The following AVEN variants were observed in gnomAD, a reference collection of about 807,000 sequenced individuals.
AVEN encodes the protein cell death regulator Aven.
AVEN carries 41 observed loss-of-function variants against 38.1 expected under a neutral mutation model. The observed-to-expected ratio is 1.08, with a 90% confidence interval of 0.84 to 1.40. The LOEUF (loss-of-function observed/expected upper bound fraction) is 1.40, where lower values mean the gene tolerates loss of function less well. Among genes scored for constraint, AVEN ranks in the 40% most tolerant of loss-of-function variants. The pLI is 0.00. For missense variants in AVEN, 605 were observed against 438.8 expected (o/e 1.38, Z -3.38); for synonymous variants, 206 against 171.8 (o/e 1.20, Z -1.56).
chr15:33,872,465 A>C (rs569718986), intron 3 of AVEN, among the ~76,000 whole-genome samples: 2 of 152,284 alleles, frequency 1.3e-5, no homozygotes, highest in South Asian at 4.2e-4. Flanking sequence ...CCATGTGTAC[A>C]TGGTATGGTG....
intron 2 of AVEN, among the ~76,000 whole-genome samples, chr15:33,934,228 A>G (rs1034418128): frequency 6.0e-5 from 9 of 150,732 alleles, no homozygotes; most frequent in African/African-American, 2.0e-4. Context: ...AAAAAAAATT[A>G]GCCATATCCA....
chr15:33,893,014 GCT>G (rs1226234670), intron 2 of AVEN, among the ~76,000 whole-genome samples: 1 of 151,938 alleles, frequency 6.6e-6, no homozygotes, highest in Non-Finnish European at 1.5e-5. Flanking sequence ...TCATGATTTG[GCT>G]CTCTGTCTGT....
downstream of AVEN, chr15:33,854,717 C>A: frequency 6.4e-7 from 1 of 1,557,990 alleles, no homozygotes; most frequent in Admixed American, 2.0e-5. Flanking sequence ...TTATAATGAG[C>A]ACACTATGAG....
At chr15:33,928,910 G>A (rs1893733962) in intron 2 of AVEN, among the ~76,000 whole-genome samples, 1 of 152,108 alleles carries the variant, frequency 6.6e-6, no homozygotes, top group Non-Finnish European at 1.5e-5. Flanking sequence ...CCCTGATATG[G>A]TATTAAATAA....
At chr15:33,861,454 ACTT>A (rs1248302018), downstream of AVEN, among the ~76,000 whole-genome samples, 6 of 150,180 alleles carry the variant, frequency 4.0e-5, no homozygotes, top group East Asian at 2.0e-4. Flanking sequence ...TCTCTACTGG[ACTT>A]CTTCTATCAC....
chr15:33,863,085 G>A (rs1889038020), downstream of AVEN, among the ~76,000 whole-genome samples: 1 of 152,126 alleles, frequency 6.6e-6, no homozygotes, highest in African/African-American at 2.4e-5. Context: ...CCTTTGGGTT[G>A]GAACCCCTTC....
Position 34,038,900 on chromosome 15 carries a change from T to TCCGCCTCCGTCCCCGCCGC in AVEN, c.128_146dup (p.Gly54ArgfsTer44), listed in dbSNP as rs1899312689. ...CCCGGCCACGGCCACGGCCCCGGCG[T>TCCGCCTCCGTCCCCGCCGC]CCGCCTCCGTCCCCGCCGCCGCCTC... On this transcript the variant is annotated frameshift_variant, in exon 1 of 6. Coordinates refer to ENST00000306730, the MANE Select transcript of AVEN (RefSeq NM_020371.3). LOFTEE classifies it high-confidence loss of function. 2 of 1,121,412 alleles carry TCCGCCTCCGTCCCCGCCGC rather than the reference T, an allele frequency of 1.8e-6. No individual in the cohort carries two copies. The highest frequency in any genetic ancestry group is 2.2e-6 in the Non-Finnish European group (2 of 924,050). 69.5% of individuals were successfully genotyped at this position (1,121,412 alleles called of 1,614,324 possible). A position where few individuals can be genotyped will look rare whatever the true frequency, so the allele number is the denominator to read the frequency against.
At chr15:33,941,460 CAT>C (rs1394036675) in intron 2 of AVEN, among the ~76,000 whole-genome samples, 22 of 152,328 alleles carry the variant, frequency 1.4e-4, no homozygotes, top group African/African-American at 5.1e-4. Flanking sequence ...AATATGGTCA[CAT>C]GTGACAGAAA....
intron 2 of AVEN, among the ~76,000 whole-genome samples, chr15:33,917,576 ACAC>A (rs1734547526): frequency 6.6e-6 from 1 of 151,988 alleles, no homozygotes; most frequent in South Asian, 2.1e-4. Flanking sequence ...ACACACACAC[ACAC>A]AATGGAATAC....
At chr15:33,947,784 C>A (rs1894561688) in intron 2 of AVEN, among the ~76,000 whole-genome samples, 2 of 152,112 alleles carry the variant, frequency 1.3e-5, no homozygotes, top group African/African-American at 2.4e-5. Context: ...AGAGGGTCAA[C>A]TGTAATTAAA....
intron 1 of AVEN, 102 bp downstream of exon 1, chr15:34,038,672 CCGTCTG>C: frequency 9.6e-7 from 1 of 1,037,842 alleles, no homozygotes; most frequent in Non-Finnish European, 1.2e-6. Context: ...GCGCCGCCGC[CCGTCTG>C]GCGCGCGCCT....
chr15:33,854,325 C>A, downstream of AVEN: 10 of 1,367,720 alleles, frequency 7.3e-6, no homozygotes, highest in South Asian at 2.6e-5. Flanking sequence ...ACTTTTTCCC[C>A]CTTATTGAGC....
chr15:34,062,945 T>A (rs750841044), exon 5 of AVEN: 1 of 1,614,168 alleles, frequency 6.2e-7, no homozygotes, highest in Non-Finnish European at 8.5e-7. Context: ...CCTGTGCAGA[T>A]CTCATCATTG....
chr15:34,034,425 A>C (rs1475095750), intron 1 of AVEN, among the ~76,000 whole-genome samples: 1 of 148,216 alleles, frequency 6.7e-6, no homozygotes, highest in African/African-American at 2.5e-5. Flanking sequence ...TGAGCAACAA[A>C]GTGAGACCCA....
At chr15:33,929,909 A>G (rs1893773913) in intron 2 of AVEN, among the ~76,000 whole-genome samples, 1 of 152,206 alleles carries the variant, frequency 6.6e-6, no homozygotes, top group African/African-American at 2.4e-5. Flanking sequence ...AACTGAATAA[A>G]AAGTCTATGA....
chr15:33,860,473 T>C, intron 11 of AVEN: 1 of 563,772 alleles, frequency 1.8e-6, no homozygotes, highest in Admixed American at 3.4e-5. Flanking sequence ...GTATTATTTT[T>C]CTAATTTTGC....
At chr15:34,070,689 A>G (rs1029864958) in intron 1 of AVEN, among the ~76,000 whole-genome samples, 8 of 152,206 alleles carry the variant, frequency 5.3e-5, no homozygotes, top group South Asian at 2.1e-4. Context: ...TGGAGCATCT[A>G]CTGATATTGA....
Position 33,866,558 on chromosome 15 carries a change from C to T in AVEN, c.*55G>A. On this transcript the variant is annotated 3_prime_UTR_variant, in exon 6 of 6. Transcript: ENST00000306730. ...CTGGTCCTGAAGGACAGCCTTATGCCCACCTGCCGTTAGAAGGCAACCAAG... is the reference window on the plus strand; with the variant it reads ...CTGGTCCTGAAGGACAGCCTTATGCTCACCTGCCGTTAGAAGGCAACCAAG... 1 of 1,366,214 alleles carries T rather than the reference C, an allele frequency of 7.3e-7. No individual in the cohort carries two copies. Among genetic ancestry groups the T allele is most frequent in the East Asian group, 2.3e-5 (1 of 43,690 alleles). The allele number at this position is 1,366,214 out of a possible 1,614,324, so 84.6% of individuals were successfully genotyped here. A position where few individuals can be genotyped will look rare whatever the true frequency, so the allele number is the denominator to read the frequency against.
At chr15:34,020,549 T>C (rs148500393) in intron 1 of AVEN, among the ~76,000 whole-genome samples, 1 of 152,328 alleles carries the variant, frequency 6.6e-6, no homozygotes, top group Non-Finnish European at 1.5e-5. Context: ...GAACATCCCC[T>C]CTTCTCACAC....
Sources: gnomAD v4.1 joint callset for allele counts (sites outside exome capture counted in the v4.1 genomes callset) on GRCh38, gnomAD v4.1.1 for gene constraint, MANE v1.5 for transcripts, NCBI Gene and HGNC (gene_info 2026-07-23, HGNC 2026-07-21) for gene names.